The following ADD1 variants were observed in gnomAD, a reference collection of about 807,000 sequenced individuals.
The protein encoded by ADD1 is alpha-adducin.
In ADD1, 24 loss-of-function variants were observed where a neutral mutation model predicts 80.5. The ratio of observed to expected loss-of-function variants is 0.30; its 90% CI spans 0.22 to 0.42. The LOEUF (loss-of-function observed/expected upper bound fraction) is 0.42, where lower values mean the gene tolerates loss of function less well. Among genes scored for constraint, ADD1 ranks in the 10% least tolerant of loss-of-function variants. ADD1 has a pLI of 1.00. For synonymous variants in ADD1, 373 were observed against 393.8 expected (o/e 0.95, Z 0.63); for missense variants, 948 against 1,019.0 (o/e 0.93, Z 0.95).
chr4:2,926,609 G>A lies in ADD1; in HGVS notation c.2047+497G>A. ...CTGAATGCATAGATTCTCTCCTTGT[G>A]CTTTTTTCTCCCTGTGGCTGCGTCA... is the stretch of plus-strand genomic sequence containing the variant. On this transcript the variant is annotated intron_variant, in intron 15 of 15. Coordinates refer to ENST00000683351, the MANE Select transcript of ADD1 (RefSeq NM_001354761.2). The surrounding 1 kb of genome is among the most constrained non-coding windows in gnomAD (Gnocchi z 5.0). The A allele has an allele frequency of 6.2e-7, 1 of 1,612,570 alleles. No individual in the cohort carries two copies. Among genetic ancestry groups the A allele is most frequent in the South Asian group, 1.1e-5 (1 of 90,792 alleles).
At chr4:2,852,310 T>TC (rs1553815421) in intron 1 of ADD1, among the ~76,000 whole-genome samples, 1 of 122,514 alleles carries the variant, frequency 8.2e-6, no homozygotes, top group Non-Finnish European at 1.8e-5. Context: ...TCTTTTCTTT[T>TC]TTTTCTTTTC....
rs574192737 is a variant in ADD1 at position 2,885,786 on chromosome 4, A to ATT, written c.510+1124_510+1125dup. Among the ~76,000 whole-genome samples, 254 of 151,496 alleles carry ATT rather than the reference A, an allele frequency of 1.7e-3. 2 individuals are homozygous for ATT. The East Asian group carries it at 0.037, about 22-fold the overall frequency. ...CACCACGCCTGGCTAATTTTTTTGT[A>ATT]TTTTTAGTAGAGACGGGGTTTCACC... On this transcript the variant is annotated intron_variant, in intron 4 of 15. Transcript: ENST00000683351.
In ADD1 at chr4:2,926,530, C is replaced by T; in HGVS notation, c.2047+418C>T. ...GTCCCTCGGTCTCGTACATCCATGT[C>T]TCTCGTGAAGCCCGTGGCCCTGCCT... On this transcript the variant is annotated intron_variant, in intron 15 of 15. Transcript: ENST00000683351. The surrounding 1 kb of genome is among the most constrained non-coding windows in gnomAD (Gnocchi z 5.0). The T allele has an allele frequency of 3.5e-6, 4 of 1,150,492 alleles. No individual in the cohort carries two copies. The highest frequency in any genetic ancestry group is 5.1e-6 in the Non-Finnish European group (4 of 783,332). 71.3% of individuals were successfully genotyped at this position (1,150,492 alleles called of 1,614,324 possible).
intron 2 of ADD1, among the ~76,000 whole-genome samples, chr4:2,880,495 A>ATTT (rs1732110086): frequency 2.1e-4 from 7 of 33,060 alleles, no homozygotes; most frequent in African/African-American, 6.7e-4. Context: ...TTTTTTTTTG[A>ATTT]GACGGAGTCT....
chr4:2,907,622 G>A, intron 10 of ADD1, 121 bp from the exon 11 acceptor site: 1 of 842,660 alleles, frequency 1.2e-6, no homozygotes, highest in Non-Finnish European at 2.0e-6. Context: ...TGTGGTCATT[G>A]GTTCAGTCCT....
intron 13 of ADD1, among the ~76,000 whole-genome samples, chr4:2,911,662 C>T (rs1447582277): frequency 6.6e-6 from 1 of 151,920 alleles, no homozygotes; most frequent in Non-Finnish European, 1.5e-5. Flanking sequence ...CGCCACGTTG[C>T]CCAGGCTGGT....
chr4:2,869,586 A>C (rs1019513120), intron 1 of ADD1, among the ~76,000 whole-genome samples: 2 of 152,112 alleles, frequency 1.3e-5, no homozygotes, highest in Non-Finnish European at 2.9e-5. Context: ...CCAACTCATA[A>C]TATCCTCTCT....
At chr4:2,892,655 C>A (rs909210955) in intron 4 of ADD1, among the ~76,000 whole-genome samples, 1 of 151,864 alleles carries the variant, frequency 6.6e-6, no homozygotes, top group Non-Finnish European at 1.5e-5. Flanking sequence ...CTTAGTGAGA[C>A]CCCATCTCTA....
rs965203558 is a variant in ADD1 at position 2,915,036 on chromosome 4, T to G, written c.1944T>G (p.Ser648=). The G allele has an allele frequency of 1.1e-5, 17 of 1,610,762 alleles. No homozygotes were observed. Among genetic ancestry groups the G allele is most frequent in the Admixed American group, 1.7e-5 (1 of 59,530 alleles). Residue 648 remains serine (S), a synonymous_variant, in exon 14 of 16, where the codon TCT becomes TCG. Coordinates refer to ENST00000683351, the MANE Select transcript of ADD1 (RefSeq NM_001354761.2). The part of the protein sequence containing the change: ...RREVERKQKG[S]EENLDEAREQ... The stretch of plus-strand genomic sequence containing the variant: ...AGGTGGAGAGGAAGCAGAAGGGCTC[T>G]GAAGGTGAGTGCTTGTGGTCCTGGG...
chr4:2,880,120 C>A (rs77893341), intron 2 of ADD1, among the ~76,000 whole-genome samples: 3,343 of 152,154 alleles, frequency 0.022, 122 homozygotes, highest in African/African-American at 0.073. Flanking sequence ...TTGTTTATTT[C>A]TTGCTTGCAG....
At chr4:2,849,996 A>G (rs974750541) in intron 1 of ADD1, among the ~76,000 whole-genome samples, 2 of 152,268 alleles carry the variant, frequency 1.3e-5, no homozygotes, top group African/African-American at 4.8e-5. Context: ...ATATGTCCGT[A>G]CAAAAGCTTG....
intron 14 of ADD1, among the ~76,000 whole-genome samples, chr4:2,916,604 T>C (rs1739121051): frequency 6.6e-6 from 1 of 152,202 alleles, no homozygotes; most frequent in Admixed American, 6.5e-5. Context: ...TACATAGGTA[T>C]ACACGTGCCG....
intron 14 of ADD1, among the ~76,000 whole-genome samples, chr4:2,919,270 C>T (rs1739603137): frequency 1.3e-5 from 2 of 152,218 alleles, no homozygotes; most frequent in South Asian, 2.1e-4. Context: ...TGATGTTCAT[C>T]AGGGATATTG....
intron 4 of ADD1, among the ~76,000 whole-genome samples, chr4:2,891,014 G>A (rs1175195365): frequency 2.0e-5 from 3 of 151,980 alleles, no homozygotes; most frequent in African/African-American, 7.3e-5. Context: ...GCTGGATGCA[G>A]TGACTCCCAC....
At position 2,908,917 on chromosome 4, in the gene ADD1, C is replaced by T. The variant is rs1035834878; in HGVS notation, c.1698+313C>T. On this transcript the variant is annotated intron_variant, in intron 12 of 15. Transcript: ENST00000683351. ...GGGTTCAGCAGCGTTCTGTGTAAGG[C>T]GCTAGGAGAGGGTGGGTTTAGGGAC... The T allele has an allele frequency of 2.2e-5, 10 of 464,792 alleles. 1 individual carries two copies. The highest frequency in any genetic ancestry group is 5.9e-5 in the African/African-American group (3 of 50,982). The allele number at this position is 464,792 out of a possible 1,614,324, so 28.8% of individuals were successfully genotyped here. A position where few individuals can be genotyped will look rare whatever the true frequency, so the allele number is the denominator to read the frequency against.
chr4:2,898,332 G>A lies in ADD1; in HGVS notation c.885+5G>A. 6.2e-7 allele frequency: 1 copy of A among 1,614,240 alleles called. No individual in the cohort carries two copies. The highest frequency in any genetic ancestry group is 8.5e-7 in the Non-Finnish European group (1 of 1,180,054). Reference sequence around the variant, plus strand: ...AATCTGGGGCCTAAAAGCAAGGTCAGTAGGCATCTAATCTGGTATTTAAAT... The same window carrying A: ...AATCTGGGGCCTAAAAGCAAGGTCAATAGGCATCTAATCTGGTATTTAAAT... On this transcript the variant is annotated splice_donor_5th_base_variant and intron_variant, in intron 7 of 15. Coordinates refer to ENST00000683351, the MANE Select transcript of ADD1 (RefSeq NM_001354761.2).
intron 8 of ADD1, chr4:2,898,938 C>T (rs550226361): frequency 4.5e-5 from 17 of 379,598 alleles, no homozygotes; most frequent in Middle Eastern, 7.6e-4. Context: ...CCCTCCGCTC[C>T]GTCAGCCGTT....
chr4:2,913,867 T>C (rs1169747643), intron 13 of ADD1, among the ~76,000 whole-genome samples: 2 of 151,952 alleles, frequency 1.3e-5, no homozygotes, highest in African/African-American at 2.4e-5. Context: ...GTCATGTGCA[T>C]GTGTGTAAGT....
At chr4:2,866,113 G>A (rs151222425) in intron 1 of ADD1, among the ~76,000 whole-genome samples, 1 of 152,318 alleles carries the variant, frequency 6.6e-6, no homozygotes, top group Non-Finnish European at 1.5e-5. Context: ...GGAAGAACTT[G>A]TTTAAGAGTA....
Sources: allele counts gnomAD v4.1 joint callset (sites outside exome capture counted in the v4.1 genomes callset), GRCh38; gene constraint gnomAD v4.1.1; non-coding constraint Gnocchi (gnomAD v3.1); transcripts MANE v1.5; gene names NCBI Gene and HGNC (gene_info 2026-07-23, HGNC 2026-07-21).